Variants in SEMA3E observed in about 807,000 individuals in gnomAD.
SEMA3E encodes semaphorin-3E.
A neutral mutation model predicts 93.6 loss-of-function variants in SEMA3E; 49 were observed. The ratio of observed to expected loss-of-function variants is 0.52; its 90% CI spans 0.42 to 0.66. The LOEUF (loss-of-function observed/expected upper bound fraction) is 0.66. SEMA3E is among the 30% of genes least tolerant of loss of function. The pLI is 0.00. For missense variants in SEMA3E, 906 were observed against 964.8 expected (o/e 0.94, Z 0.81); for synonymous variants, 363 against 330.7 (o/e 1.10, Z -1.06).
At chr7:83,459,540 A>C (rs183131857) in intron 4 of SEMA3E, among the ~76,000 whole-genome samples, 20 of 152,294 alleles carry the variant, frequency 1.3e-4, no homozygotes, top group Admixed American at 1.0e-3. Flanking sequence ...TGCCTTCCAT[A>C]TCTCTAAAGT....
At chr7:83,408,567 G>C in intron 5 of SEMA3E, 80 bp from the exon 6 acceptor site, 1 of 1,386,696 alleles carries the variant, frequency 7.2e-7, no homozygotes, top group South Asian at 1.2e-5. Context: ...TTTAATATGT[G>C]TATCTATAAT....
chr7:83,571,702 T>C (rs28851474), intron 1 of SEMA3E, among the ~76,000 whole-genome samples: 32,485 of 152,014 alleles, frequency 0.21, 3,630 homozygotes, highest in Middle Eastern at 0.29. Context: ...CTATTCAACA[T>C]AGTACTGGAA....
At chr7:83,502,548 A>G (rs1790616188) in intron 1 of SEMA3E, among the ~76,000 whole-genome samples, 1 of 151,768 alleles carries the variant, frequency 6.6e-6, no homozygotes, top group Non-Finnish European at 1.5e-5. Flanking sequence ...CTGGATCTTC[A>G]CTCTGTCTTC....
At chr7:83,592,768 A>C (rs913484191) in intron 1 of SEMA3E, among the ~76,000 whole-genome samples, 7 of 152,276 alleles carry the variant, frequency 4.6e-5, no homozygotes, top group Admixed American at 4.6e-4. Context: ...GAATAAAACA[A>C]CTGAAGTAAA....
chr7:83,575,387 A>G, intron 1 of SEMA3E, among the ~76,000 whole-genome samples: 1 of 151,882 alleles, frequency 6.6e-6, no homozygotes, highest in East Asian at 1.9e-4. Context: ...TTTTAGAGAC[A>G]AAAGATGAGG....
At position 83,459,894 on chromosome 7, in the gene SEMA3E, C is replaced by G. The variant is rs558629446; in HGVS notation, c.456+6588G>C. Among the ~76,000 whole-genome samples, 6 of 152,294 alleles carry G rather than the reference C, an allele frequency of 3.9e-5. No individual in the cohort carries two copies. The South Asian group carries it at 1.0e-3, about 26-fold the overall frequency. On this transcript the variant is annotated intron_variant, in intron 4 of 16. Transcript: ENST00000643230. ...TCCTGGCTCATCCTGGCTCAAAAAGCACCCCTACTGAGCACCTTGCGACCC... is the reference window on the plus strand; with the variant it reads ...TCCTGGCTCATCCTGGCTCAAAAAGGACCCCTACTGAGCACCTTGCGACCC...
At chr7:83,613,263 C>T (rs1793302197) in intron 1 of SEMA3E, among the ~76,000 whole-genome samples, 1 of 152,002 alleles carries the variant, frequency 6.6e-6, no homozygotes, top group African/African-American at 2.4e-5. Context: ...TCCTCATCCT[C>T]CTGTCAGTAA....
intron 4 of SEMA3E, among the ~76,000 whole-genome samples, chr7:83,439,561 T>C (rs1789069628): frequency 1.3e-5 from 2 of 152,216 alleles, no homozygotes; most frequent in Non-Finnish European, 2.9e-5. Context: ...AAGAATTTTA[T>C]TCCAAAATTA....
intron 1 of SEMA3E, among the ~76,000 whole-genome samples, chr7:83,629,706 G>A (rs932736400): frequency 2.6e-5 from 4 of 152,178 alleles, no homozygotes; most frequent in Non-Finnish European, 4.4e-5. Flanking sequence ...TCAAGCCAGT[G>A]TGTCTTAGCT....
chr7:83,544,218 C>T (rs1791597709), intron 1 of SEMA3E, among the ~76,000 whole-genome samples: 1 of 151,916 alleles, frequency 6.6e-6, no homozygotes, highest in Non-Finnish European at 1.5e-5. Context: ...ATATAAATTT[C>T]TTTTATTGTG....
At position 83,363,789 on chromosome 7, in the gene SEMA3E, C is replaced by A; in HGVS notation, c.*3797G>T. ...TAAATGTTGCATTTTCTCTTGGAATCCAAATATCTATACAATACTAAGTAC... is the reference window on the plus strand; with the variant it reads ...TAAATGTTGCATTTTCTCTTGGAATACAAATATCTATACAATACTAAGTAC... On this transcript the variant is annotated 3_prime_UTR_variant, in exon 17 of 17. Transcript: ENST00000643230. 1 of 149,394 alleles carries A rather than the reference C, an allele frequency of 6.7e-6. No individual in the cohort carries two copies. The highest frequency in any genetic ancestry group is 2.0e-4 in the East Asian group (1 of 5,124). The allele number at this position is 149,394 out of a possible 1,614,324, so 9.3% of individuals were successfully genotyped here.
chr7:83,523,295 C>G (rs776381777), intron 1 of SEMA3E, among the ~76,000 whole-genome samples: 3 of 151,836 alleles, frequency 2.0e-5, no homozygotes, highest in Non-Finnish European at 4.4e-5. Context: ...CGTGTTTGTC[C>G]CAGATGAAAG....
chr7:83,568,354 T>C (rs1008705175), intron 1 of SEMA3E, among the ~76,000 whole-genome samples: 1 of 152,020 alleles, frequency 6.6e-6, no homozygotes, highest in African/African-American at 2.4e-5. Flanking sequence ...AAGAGGAAGG[T>C]ATTCTCCCTA....
chr7:83,472,924 C>T (rs777057848), intron 2 of SEMA3E, among the ~76,000 whole-genome samples: 3 of 152,172 alleles, frequency 2.0e-5, no homozygotes, highest in Non-Finnish European at 4.4e-5. Context: ...CTCCTTCCTG[C>T]TACCTTGTGA....
rs778141353 is a variant in SEMA3E, at chr7:83,385,343, G to A, written c.1826C>T (p.Ala609Val). 1.3e-5 allele frequency: 21 copies of A among 1,613,124 alleles called. No individual in the cohort carries two copies. The highest frequency in any genetic ancestry group is 3.3e-5 in the Admixed American group (2 of 59,942). Residue 609 changes from alanine to valine, a missense_variant, in exon 16 of 17, where the codon GCG becomes GTG. By Grantham distance (64) the Ala-to-Val change is moderately conservative. Transcript: ENST00000643230. ...TTTCTGTACAAACCAGATAACTTTC[G>A]CTTGTAAAGATCGTGGGGTACATTC... ...LLECTPRSLQAKVIWFVQKGR... is the reference protein window; with the variant it reads ...LLECTPRSLQVKVIWFVQKGR...
chr7:83,565,128 G>C (rs215278), intron 1 of SEMA3E, among the ~76,000 whole-genome samples: 72,003 of 151,870 alleles, frequency 0.47, 19,739 homozygotes, highest in African/African-American at 0.77. Context: ...CACATACACC[G>C]TCCCAAGACT....
chr7:83,461,262 T>G (rs1050881834), intron 4 of SEMA3E, among the ~76,000 whole-genome samples: 1 of 152,094 alleles, frequency 6.6e-6, no homozygotes, highest in Non-Finnish European at 1.5e-5. Context: ...GCCTGTACCC[T>G]CAGTACCAAC....
intron 1 of SEMA3E, among the ~76,000 whole-genome samples, chr7:83,538,749 A>G (rs958204589): frequency 6.6e-6 from 1 of 152,206 alleles, no homozygotes; most frequent in South Asian, 2.1e-4. Flanking sequence ...TCTCACAACT[A>G]TATCCCAGAA....
rs914100374 is a variant in SEMA3E at position 83,641,297 on chromosome 7, G to C, written c.115+7131C>G. On this transcript the variant is annotated intron_variant, in intron 1 of 16. Transcript: ENST00000643230. ...TGAGCACTTGTTGAATGCCTACTAA[G>C]TGTCAGGAACTGTGCATGGCACCAG... is the stretch of plus-strand genomic sequence containing the variant. The C allele has an allele frequency of 2.6e-5, 18 of 683,200 alleles. 1 individual carries two copies. The highest frequency in any genetic ancestry group is 6.3e-5 in the Admixed American group (1 of 15,904). 42.3% of individuals were successfully genotyped at this position (683,200 alleles called of 1,614,324 possible). A position where few individuals can be genotyped will look rare whatever the true frequency, so the allele number is the denominator to read the frequency against.
Sources: gnomAD v4.1 joint callset for allele counts (sites outside exome capture counted in the v4.1 genomes callset) on GRCh38, gnomAD v4.1.1 for gene constraint, MANE v1.5 for transcripts, NCBI Gene and HGNC (gene_info 2026-07-23, HGNC 2026-07-21) for gene names.